Variants in PDE8B observed in about 807,000 individuals in gnomAD.
The protein encoded by PDE8B is phosphodiesterase 8B, also known as high affinity cAMP-specific and IBMX-insensitive 3',5'-cyclic phosphodiesterase 8B.
Under a neutral mutation model 101.3 loss-of-function variants are expected in PDE8B, and 26 were observed. That is an observed-to-expected ratio of 0.26 (90% confidence interval 0.19 to 0.36). PDE8B has a LOEUF of 0.36. Among genes scored for constraint, PDE8B ranks in the 10% least tolerant of loss-of-function variants. The probability of loss-of-function intolerance (pLI) is 1.00; values close to 1 mark genes in which losing one functional copy is unlikely to be tolerated. For synonymous variants in PDE8B, 424 were observed against 429.3 expected (o/e 0.99, Z 0.15); for missense variants, 810 against 1,163.1 (o/e 0.70, Z 4.42).
At chr5:77,333,265 A>G (rs1777506447) in intron 5 of PDE8B, among the ~76,000 whole-genome samples, 1 of 152,232 alleles carries the variant, frequency 6.6e-6, no homozygotes, top group African/African-American at 2.4e-5. Flanking sequence ...ATGAGAATGC[A>G]TGAGACAATG....
At chr5:77,409,133 T>TA in intron 14 of PDE8B, 76 bp downstream of exon 14, 1 of 1,268,850 alleles carries the variant, frequency 7.9e-7, no homozygotes, top group Non-Finnish European at 1.1e-6. Flanking sequence ...TGGAAACTGT[T>TA]ACCTGTGGTT....
At chr5:77,100,965 C>CTTT in the PDE8B span, among the ~76,000 whole-genome samples, 16 of 124,372 alleles carry the variant, frequency 1.3e-4, no homozygotes, top group East Asian at 4.5e-4. Flanking sequence ...ATTTTTTTTC[C>CTTT]TTTTTTTTTT....
At chr5:77,357,200 C>T (rs1221134579) in intron 10 of PDE8B, among the ~76,000 whole-genome samples, 2 of 152,160 alleles carry the variant, frequency 1.3e-5, no homozygotes, top group Non-Finnish European at 2.9e-5. Context: ...GGCAAGGGGA[C>T]ACCACAGCCC....
intron 5 of PDE8B, among the ~76,000 whole-genome samples, chr5:77,335,793 A>G (rs1056087341): frequency 4.6e-5 from 7 of 152,058 alleles, no homozygotes; most frequent in Admixed American, 2.0e-4. Flanking sequence ...GGTTTGCATG[A>G]TATGTTTTTT....
intron 1 of PDE8B, among the ~76,000 whole-genome samples, chr5:77,311,140 A>T (rs201815873): frequency 2.3e-5 from 2 of 87,474 alleles, no homozygotes; most frequent in Admixed American, 2.8e-4. Context: ...AAATGACCAC[A>T]GTCTCTTAGA....
chr5:77,306,187 A>G (rs190408854), intron 1 of PDE8B, among the ~76,000 whole-genome samples: 3 of 152,316 alleles, frequency 2.0e-5, no homozygotes, highest in African/African-American at 2.4e-5. Flanking sequence ...AAGCCATACC[A>G]GAAAGATGAG....
chr5:77,273,794 T>C (rs1166915170), intron 1 of PDE8B, among the ~76,000 whole-genome samples: 1 of 151,810 alleles, frequency 6.6e-6, no homozygotes, highest in Non-Finnish European at 1.5e-5. Flanking sequence ...TCCAGGTAGT[T>C]CCATCTGTTT....
At chr5:77,316,154 G>A (rs959604902) in intron 2 of PDE8B, among the ~76,000 whole-genome samples, 18 of 151,984 alleles carry the variant, frequency 1.2e-4, no homozygotes, top group African/African-American at 4.3e-4. Flanking sequence ...TTATTATCAA[G>A]TTGGGAATGT....
At chr5:77,303,850 T>C (rs1247610480) in intron 1 of PDE8B, among the ~76,000 whole-genome samples, 1 of 152,250 alleles carries the variant, frequency 6.6e-6, no homozygotes, top group Non-Finnish European at 1.5e-5. Context: ...GTAAGATTCA[T>C]AAGTTTTAAA....
Position 77,427,953 on chromosome 5 carries a change from T to C in PDE8B, c.*1399T>C, listed in dbSNP as rs1365873668. The C allele has an allele frequency of 3.3e-5, 5 of 152,230 alleles. No individual in the cohort carries two copies. Among genetic ancestry groups the C allele is most frequent in the Admixed American group, 1.3e-4 (2 of 15,274 alleles). 9.4% of individuals were successfully genotyped at this position (152,230 alleles called of 1,614,324 possible). ...ATTGGAATGCAGAATACTTGGAACTTGTACATGGGGAAAAAATGACTTATC... is the reference window on the plus strand; with the variant it reads ...ATTGGAATGCAGAATACTTGGAACTCGTACATGGGGAAAAAATGACTTATC... On this transcript the variant is annotated 3_prime_UTR_variant, in exon 22 of 22. Transcript: ENST00000264917.
At chr5:77,357,250 G>A (rs1782277602) in intron 10 of PDE8B, among the ~76,000 whole-genome samples, 1 of 152,152 alleles carries the variant, frequency 6.6e-6, no homozygotes, top group Admixed American at 6.5e-5. Context: ...GGGAGCCAGT[G>A]AGGGCCAGTG....
chr5:77,271,942 T>C (rs1171825615), intron 1 of PDE8B, among the ~76,000 whole-genome samples: 3 of 152,180 alleles, frequency 2.0e-5, no homozygotes, highest in African/African-American at 7.2e-5. Context: ...GTCTTACTTC[T>C]CAAAGTGTGG....
At chr5:77,186,518 G>T in the PDE8B span, among the ~76,000 whole-genome samples, 18 of 152,262 alleles carry the variant, frequency 1.2e-4, no homozygotes, top group South Asian at 3.1e-3. Context: ...TTTTCCCGTT[G>T]ACCTGCCTGG....
At chr5:77,198,273 T>C in the PDE8B span, among the ~76,000 whole-genome samples, 1 of 152,210 alleles carries the variant, frequency 6.6e-6, no homozygotes, top group Non-Finnish European at 1.5e-5. Flanking sequence ...TTTTGGCTGG[T>C]AGAACTTGGA....
intron 10 of PDE8B, among the ~76,000 whole-genome samples, chr5:77,387,225 G>C (rs1259960616): frequency 6.6e-6 from 1 of 152,008 alleles, no homozygotes; most frequent in African/African-American, 2.4e-5. Context: ...TCCATGTTTA[G>C]TGCTTCTTTC....
intron 10 of PDE8B, among the ~76,000 whole-genome samples, chr5:77,376,860 T>G (rs1426035843): frequency 6.6e-6 from 1 of 152,166 alleles, no homozygotes; most frequent in Non-Finnish European, 1.5e-5. Flanking sequence ...TTAAGTAGTT[T>G]AATGACTCTC....
chr5:77,199,045 G>A, the PDE8B span, among the ~76,000 whole-genome samples: 1 of 152,236 alleles, frequency 6.6e-6, no homozygotes, highest in Admixed American at 6.5e-5. Context: ...GCTACGAAAT[G>A]GCTCTCAGAC....
chr5:77,313,365 G>A (rs961360896), intron 2 of PDE8B, among the ~76,000 whole-genome samples: 7 of 151,180 alleles, frequency 4.6e-5, no homozygotes, highest in African/African-American at 7.3e-5. Flanking sequence ...GAGAGAGAGA[G>A]AAAAATAAAC....
At chr5:77,181,920 G>T in the PDE8B span, among the ~76,000 whole-genome samples, 3 of 152,160 alleles carry the variant, frequency 2.0e-5, no homozygotes, top group South Asian at 2.1e-4. Context: ...CCAGCAGTTC[G>T]CATTGCCAGT....
Sources: gnomAD v4.1 joint callset for allele counts (sites outside exome capture counted in the v4.1 genomes callset) on GRCh38, gnomAD v4.1.1 for gene constraint, MANE v1.5 for transcripts, NCBI Gene and HGNC (gene_info 2026-07-23, HGNC 2026-07-21) for gene names.